C10orf53: variants seen among roughly 807,000 people sequenced by gnomAD.
C10orf53 encodes the protein UPF0728 protein C10orf53.
In C10orf53, 8 loss-of-function variants were observed where a neutral mutation model predicts 9.4. That is an observed-to-expected ratio of 0.85 (90% confidence interval 0.50 to 1.53). C10orf53 has a LOEUF of 1.53. C10orf53 is among the 40% of genes most tolerant of loss of function. The pLI, the probability that C10orf53 is intolerant of heterozygous loss-of-function variation, is 0.00. For synonymous variants in C10orf53, 48 were observed against 46.0 expected, an observed-to-expected ratio of 1.04 and a Z score of -0.18; for missense variants, 117 against 117.8, an observed-to-expected ratio of 0.99 and a Z score of 0.03.
rs896800112 is a variant in C10orf53, at chr10:49,684,405, G to A, written c.97+4611G>A. On this transcript the variant is annotated intron_variant, in intron 1 of 2. Coordinates refer to ENST00000374111, the MANE Select transcript of C10orf53 (RefSeq NM_001042427.3). ...CCACTTCTGCAAAAAACACCATTGG[G>A]AATGTGATAGGTATTGCATTGAATC... 5.9e-5 allele frequency among the ~76,000 whole-genome samples: 9 copies of A among 152,186 alleles called. No homozygotes were observed. The East Asian group carries it at 1.5e-3, about 26-fold the overall frequency.
intron 1 of C10orf53, among the ~76,000 whole-genome samples, chr10:49,691,650 G>A (rs1257425015): frequency 6.6e-6 from 1 of 152,142 alleles, no homozygotes. Flanking sequence ...TAAGTGATTC[G>A]GTGGATCAAT....
chr10:49,707,681 A>C lies in C10orf53; in HGVS notation c.218-680A>C, dbSNP rs1034759399. On this transcript the variant is annotated intron_variant, in intron 2 of 2. Coordinates refer to the C10orf53 transcript ENST00000374112. ...GAGTTAAATACCCAATTCATAATGA[A>C]AAAATATCTTAAACCACTTGTTGAT... Among the ~76,000 whole-genome samples, 59 of 152,306 alleles carry C rather than the reference A, an allele frequency of 3.9e-4. 1 individual carries two copies. The highest frequency in any genetic ancestry group is 1.4e-3 in the African/African-American group (57 of 41,562).
intron 1 of C10orf53, among the ~76,000 whole-genome samples, chr10:49,687,371 G>A (rs1233555711): frequency 2.0e-5 from 3 of 152,204 alleles, no homozygotes; most frequent in Non-Finnish European, 4.4e-5. Context: ...CACAAATCAT[G>A]TCAGCTTTAG....
At position 49,694,729 on chromosome 10, in the gene C10orf53, G is replaced by T; in HGVS notation, c.*127G>T. 1.3e-6 allele frequency: 2 copies of T among 1,495,996 alleles called. No homozygotes were observed. Among genetic ancestry groups the T allele is most frequent in the Non-Finnish European group, 1.8e-6 (2 of 1,122,478 alleles). The allele number at this position is 1,495,996 out of a possible 1,614,324, so 92.7% of individuals were successfully genotyped here. A position where few individuals can be genotyped will look rare whatever the true frequency, so the allele number is the denominator to read the frequency against. The stretch of plus-strand genomic sequence containing the variant: ...TCTGCTAGTCAGAACAGGGCAACTC[G>T]GGCCTGACCTCCAGCTTACGCAGCC... On this transcript the variant is annotated 3_prime_UTR_variant, in exon 3 of 3. Transcript: ENST00000374111.
exon 3 of C10orf53, chr10:49,708,710 C>T: frequency 1.3e-6 from 2 of 1,524,616 alleles, no homozygotes; most frequent in East Asian, 4.5e-5. Flanking sequence ...ATGCTGAGTC[C>T]CCCAAAACAA....
intron 2 of C10orf53, among the ~76,000 whole-genome samples, chr10:49,702,549 TCTC>T (rs1321433822): frequency 4.6e-5 from 7 of 152,182 alleles, no homozygotes; most frequent in Non-Finnish European, 8.8e-5. Context: ...ATGTTGATCT[TCTC>T]CTGCACTTGA....
exon 3 of C10orf53, chr10:49,708,802 C>G: frequency 1.3e-6 from 1 of 758,426 alleles, no homozygotes; most frequent in Non-Finnish European, 2.1e-6. Flanking sequence ...TTCTCCCCAG[C>G]TCTGAGTCTC....
downstream of C10orf53, among the ~76,000 whole-genome samples, chr10:49,699,172 T>C (rs1439837799): frequency 6.6e-6 from 1 of 150,448 alleles, no homozygotes; most frequent in Non-Finnish European, 1.5e-5. Context: ...TGTTAACTTT[T>C]TGTTTTGGTG....
downstream of C10orf53, among the ~76,000 whole-genome samples, chr10:49,702,181 C>G (rs1250084888): frequency 7.9e-6 from 1 of 126,882 alleles, no homozygotes; most frequent in Non-Finnish European, 1.6e-5. Context: ...TGGGCAACAG[C>G]GTGAGACTCT....
Position 49,695,398 on chromosome 10 carries a change from A to G in C10orf53, c.*796A>G, listed in dbSNP as rs1243390225. On this transcript the variant is annotated 3_prime_UTR_variant, in exon 3 of 3. Transcript: ENST00000374111. Reference sequence around the variant, plus strand: ...CAATGTGTAGTATATATTCTTAACTATAGAGTAACAGAGAGGGGGAAATGC... The same window carrying G: ...CAATGTGTAGTATATATTCTTAACTGTAGAGTAACAGAGAGGGGGAAATGC... The G allele has an allele frequency of 6.6e-6, 1 of 152,184 alleles. No individual in the cohort carries two copies. Among genetic ancestry groups the G allele is most frequent in the East Asian group, 1.9e-4 (1 of 5,198 alleles). 9.4% of individuals were successfully genotyped at this position (152,184 alleles called of 1,614,324 possible). A position where few individuals can be genotyped will look rare whatever the true frequency, so the allele number is the denominator to read the frequency against.
intron 1 of C10orf53, among the ~76,000 whole-genome samples, chr10:49,685,264 CT>C (rs1050748933): frequency 6.6e-6 from 1 of 152,152 alleles, no homozygotes; most frequent in Non-Finnish European, 1.5e-5. Context: ...CTGTTTTTCA[CT>C]TTCAGTATAG....
At chr10:49,685,231 G>T (rs1021927746) in intron 1 of C10orf53, among the ~76,000 whole-genome samples, 2 of 152,012 alleles carry the variant, frequency 1.3e-5, no homozygotes, top group African/African-American at 4.8e-5. Context: ...TACATTAATG[G>T]TGAGTACCCA....
In C10orf53 at chr10:49,680,129, C is replaced by T. The variant is rs1053876017; in HGVS notation, c.97+335C>T. Among the ~76,000 whole-genome samples, 7 of 152,232 alleles carry T rather than the reference C, an allele frequency of 4.6e-5. No individual in the cohort carries two copies. In the East Asian group the frequency reaches 1.2e-3, roughly 25 times the overall value. On this transcript the variant is annotated intron_variant, in intron 1 of 2. Transcript: ENST00000374111. ...CACAACTCAAATGGCTGGGAAGTAG[C>T]GTTGCTGGTATTCCATCTCTTAATC...
chr10:49,685,014 A>C lies in C10orf53; in HGVS notation c.97+5220A>C, dbSNP rs1840513856. On this transcript the variant is annotated intron_variant, in intron 1 of 2. Transcript: ENST00000374111. ...CAAACATTGATGTTTTTCAAAGAAC[A>C]AGGGATTCTCCCCAAGACTGCAACA... 2.0e-5 allele frequency among the ~76,000 whole-genome samples: 3 copies of C among 152,332 alleles called. No homozygotes were observed. In the South Asian group the frequency reaches 6.2e-4, roughly 32 times the overall value.
At chr10:49,693,663 C>A in intron 1 of C10orf53, 111 bp from the exon 2 acceptor site, 2 of 1,342,270 alleles carry the variant, frequency 1.5e-6, no homozygotes, top group Non-Finnish European at 1.0e-6. Flanking sequence ...TGAGTGATAC[C>A]CATGAGCAAC....
downstream of C10orf53, among the ~76,000 whole-genome samples, chr10:49,699,806 G>C (rs115585996): frequency 6.6e-6 from 1 of 152,154 alleles, no homozygotes; most frequent in African/African-American, 2.4e-5. Flanking sequence ...GCAGATCTAT[G>C]AAATAAAGAC....
rs545493417 is a variant in C10orf53, at chr10:49,696,643, C to T, written c.*2041C>T. Among the ~76,000 whole-genome samples the T allele has an allele frequency of 7.2e-5, 11 of 152,210 alleles. No homozygotes were observed. Among genetic ancestry groups the T allele is most frequent in the Non-Finnish European group, 1.3e-4 (9 of 68,020 alleles). ...CGGATTCTAAGAAATACCGGAGAAG[C>T]TTCTGGGAGATGCCTGTGCCCAGAG... On this transcript the variant is annotated 3_prime_UTR_variant, in exon 3 of 3. Coordinates refer to ENST00000374111, the MANE Select transcript of C10orf53 (RefSeq NM_001042427.3).
At chr10:49,708,734 T>A in exon 3 of C10orf53, 1 of 1,458,566 alleles carries the variant, frequency 6.9e-7, no homozygotes, top group South Asian at 1.4e-5. Flanking sequence ...TTGTCCCACA[T>A]CTCCCGAACC....
At chr10:49,684,054 A>T (rs1480224349) in intron 1 of C10orf53, among the ~76,000 whole-genome samples, 1 of 152,310 alleles carries the variant, frequency 6.6e-6, no homozygotes, top group South Asian at 2.1e-4. Context: ...CATTAAAAAG[A>T]TATTCATATG....
Sources: gnomAD v4.1 joint callset for allele counts (sites outside exome capture counted in the v4.1 genomes callset) on GRCh38, gnomAD v4.1.1 for gene constraint, MANE v1.5 for transcripts, NCBI Gene and HGNC (gene_info 2026-07-23, HGNC 2026-07-21) for gene names.